PRELID2: variants seen among roughly 807,000 people sequenced by gnomAD.
PRELID2 encodes PRELI domain containing 2, also known as PRELI domain-containing protein 2.
Under a neutral mutation model 28.4 loss-of-function variants are expected in PRELID2, and 25 were observed. That is an observed-to-expected ratio of 0.88 (90% CI 0.64 to 1.23). The LOEUF (loss-of-function observed/expected upper bound fraction) is 1.23. Among genes scored for constraint, PRELID2 ranks in the 50% most tolerant of loss-of-function variants. PRELID2 has a pLI of 0.00. For synonymous variants in PRELID2, 76 were observed against 71.6 expected (o/e 1.06, Z -0.31); for missense variants, 201 against 214.4 (o/e 0.94, Z 0.39).
rs1753598595 is a variant in PRELID2, at chr5:145,610,522, C to T, written n.71-137207G>A. On this transcript the variant is annotated intron_variant and non_coding_transcript_variant, in intron 1 of 2. Transcript: ENST00000510259. Reference sequence around the variant, plus strand: ...TAGAACACAAGGACACAGGACCCAACCTGAAGCAGAGCCACCTAGCCAATC... The same window carrying T: ...TAGAACACAAGGACACAGGACCCAATCTGAAGCAGAGCCACCTAGCCAATC... Among the ~76,000 whole-genome samples, 5 of 152,086 alleles carry T rather than the reference C, an allele frequency of 3.3e-5. No homozygotes were observed. The South Asian group carries it at 1.0e-3, about 32-fold the overall frequency.
intron 5 of PRELID2, among the ~76,000 whole-genome samples, chr5:145,779,906 T>C (rs981322036): frequency 4.6e-5 from 7 of 152,358 alleles, no homozygotes; most frequent in East Asian, 1.9e-4. Context: ...AAATAAGTTA[T>C]TGTTTTTAAC....
chr5:145,770,376 CA>C (rs2149780493), intron 5 of PRELID2, among the ~76,000 whole-genome samples: 1 of 151,938 alleles, frequency 6.6e-6, no homozygotes, highest in East Asian at 1.9e-4. Flanking sequence ...TTTAATTAGC[CA>C]GTTGCAGTGA....
intron 1 of PRELID2, among the ~76,000 whole-genome samples, chr5:145,576,189 G>A (rs898801024): frequency 6.6e-6 from 1 of 152,058 alleles, no homozygotes; most frequent in Non-Finnish European, 1.5e-5. Flanking sequence ...TACATTCACA[G>A]AAATTTGCAA....
In PRELID2 at chr5:145,796,151, T is replaced by C. The variant is rs1402936588; in HGVS notation, c.474+291A>G. 4.5e-5 allele frequency: 10 copies of C among 222,338 alleles called. No individual in the cohort carries two copies. The South Asian group carries it at 5.1e-4, about 11-fold the overall frequency. The allele number at this position is 222,338 out of a possible 1,614,324, so 13.8% of individuals were successfully genotyped here. A position where few individuals can be genotyped will look rare whatever the true frequency, so the allele number is the denominator to read the frequency against. The stretch of plus-strand genomic sequence containing the variant: ...TTATTAAATAGTTGTCATCATACTA[T>C]ACATTATTATTCATTCTGATTATTT... On this transcript the variant is annotated intron_variant, in intron 5 of 6. Transcript: ENST00000683046.
chr5:145,644,810 T>C (rs1438577875), intron 1 of PRELID2, among the ~76,000 whole-genome samples: 2 of 152,212 alleles, frequency 1.3e-5, no homozygotes, highest in Non-Finnish European at 2.9e-5. Context: ...TCAGTTTCCA[T>C]ATAGTTGTGT....
chr5:145,350,662 G>A, the PRELID2 span, among the ~76,000 whole-genome samples: 1 of 152,130 alleles, frequency 6.6e-6, no homozygotes, highest in Non-Finnish European at 1.5e-5. Flanking sequence ...AGGTATGCAT[G>A]CACAATTTAT....
intron 1 of PRELID2, among the ~76,000 whole-genome samples, chr5:145,719,136 C>T (rs1335386375): frequency 6.6e-6 from 1 of 151,864 alleles, no homozygotes. Flanking sequence ...TTCAGGATAA[C>T]TGGAAGACAG....
At chr5:145,658,220 A>C (rs1754429096) in intron 1 of PRELID2, among the ~76,000 whole-genome samples, 1 of 152,232 alleles carries the variant, frequency 6.6e-6, no homozygotes, top group African/African-American at 2.4e-5. Context: ...AAAAAATGTT[A>C]AAGGAAGAAG....
chr5:145,249,591 C>T, the PRELID2 span, among the ~76,000 whole-genome samples: 4 of 151,912 alleles, frequency 2.6e-5, no homozygotes, highest in African/African-American at 7.3e-5. Context: ...AATATTGCAA[C>T]GGTTGCCAGG....
intron 5 of PRELID2, among the ~76,000 whole-genome samples, chr5:145,770,164 GACT>G (rs1202849731): frequency 6.6e-6 from 1 of 152,080 alleles, no homozygotes; most frequent in African/African-American, 2.4e-5. Flanking sequence ...GATGGTAAAT[GACT>G]ACACTACTGG....
the PRELID2 span, among the ~76,000 whole-genome samples, chr5:145,333,834 A>AT: frequency 1.3e-5 from 2 of 151,608 alleles, no homozygotes; most frequent in Admixed American, 1.3e-4. Context: ...AAAAAAAAAA[A>AT]AACTCCTGCA....
intron 1 of PRELID2, among the ~76,000 whole-genome samples, chr5:145,677,374 CCAACTATGGACCT>C (rs1754841669): frequency 6.6e-6 from 1 of 151,830 alleles, no homozygotes; most frequent in Non-Finnish European, 1.5e-5. Context: ...AGGCTGGTCT[CCAACTATGGACCT>C]CAAGTGATCC....
At chr5:145,529,948 C>G (rs1015981090) in intron 1 of PRELID2, among the ~76,000 whole-genome samples, 10 of 152,158 alleles carry the variant, frequency 6.6e-5, no homozygotes, top group Admixed American at 2.6e-4. Flanking sequence ...CTTCTTCCTG[C>G]TCATATTGTG....
the PRELID2 span, among the ~76,000 whole-genome samples, chr5:145,444,292 A>T: frequency 6.6e-6 from 1 of 151,992 alleles, no homozygotes; most frequent in South Asian, 2.1e-4. Context: ...TGAACAGTGA[A>T]CCCTGGACTC....
intron 1 of PRELID2, among the ~76,000 whole-genome samples, chr5:145,694,963 T>A (rs895889058): frequency 6.6e-6 from 1 of 152,114 alleles, no homozygotes; most frequent in African/African-American, 2.4e-5. Flanking sequence ...ATACAAGTAT[T>A]CCATCACCCC....
chr5:145,288,602 T>G, the PRELID2 span, among the ~76,000 whole-genome samples: 1 of 152,144 alleles, frequency 6.6e-6, no homozygotes, highest in Non-Finnish European at 1.5e-5. Flanking sequence ...TTAGGTGTGC[T>G]GGTTGCTACT....
intron 4 of PRELID2, among the ~76,000 whole-genome samples, chr5:145,809,477 C>G (rs1382605937): frequency 1.3e-5 from 2 of 152,206 alleles, no homozygotes. Flanking sequence ...AAGAGCCAGC[C>G]TCCAACCTGG....
chr5:145,428,251 GC>G, the PRELID2 span, among the ~76,000 whole-genome samples: 4 of 152,114 alleles, frequency 2.6e-5, no homozygotes, highest in African/African-American at 9.7e-5. Context: ...GAGTCACCGT[GC>G]CCGGCCAAAC....
chr5:145,537,929 G>A (rs1466792469), intron 1 of PRELID2, among the ~76,000 whole-genome samples: 2 of 151,740 alleles, frequency 1.3e-5, no homozygotes, highest in African/African-American at 4.8e-5. Flanking sequence ...ATACCACAGA[G>A]CATTTCCCCT....
Sources: gnomAD v4.1 joint callset for allele counts (sites outside exome capture counted in the v4.1 genomes callset) on GRCh38, gnomAD v4.1.1 for gene constraint, MANE v1.5 for transcripts, NCBI Gene and HGNC (gene_info 2026-07-23, HGNC 2026-07-21) for gene names.